Variants in AQP7 observed in about 807,000 individuals in gnomAD.
AQP7 encodes the protein aquaporin 7.
Under a neutral mutation model 26.1 loss-of-function variants are expected in AQP7, and 22 were observed. The observed-to-expected ratio is 0.84, with a 90% CI of 0.60 to 1.20. AQP7 has a LOEUF of 1.20. Among genes scored for constraint, AQP7 ranks in the 50% most tolerant of loss-of-function variants. The pLI, the probability that AQP7 is intolerant of heterozygous loss-of-function variation, is 0.00. For synonymous variants in AQP7, 167 were observed against 181.7 expected, an observed-to-expected ratio of 0.92 and a Z score of 0.65; for missense variants, 412 against 457.5, an observed-to-expected ratio of 0.90 and a Z score of 0.91.
intron 3 of AQP7, among the ~76,000 whole-genome samples, chr9:33,389,576 T>C (rs998554747): frequency 3.3e-5 from 5 of 152,226 alleles, no homozygotes; most frequent in Non-Finnish European, 7.3e-5. Flanking sequence ...TTTACCTTTT[T>C]AATGTGGATA....
chr9:33,399,867 G>A (rs1488469146), intron 2 of AQP7, among the ~76,000 whole-genome samples: 1 of 152,148 alleles, frequency 6.6e-6, no homozygotes, highest in African/African-American at 2.4e-5. Flanking sequence ...AATGGTGGAA[G>A]CTGTGCACAT....
intron 3 of AQP7, chr9:33,394,312 C>T (rs1290703795): frequency 2.0e-5 from 3 of 152,262 alleles, no homozygotes. Context: ...TTAACTGGTT[C>T]CCTCTTGCCA....
rs1396450420 is a variant in AQP7 at position 33,386,153 on chromosome 9, C to A, written c.449G>T (p.Gly150Val). Residue 150 changes from glycine (G) to valine (V), a missense_variant, in exon 6 of 8, where the codon GGT becomes GTT. By Grantham distance (109) the Gly-to-Val change is moderately radical. Transcript: ENST00000297988. ...HFSGGQLMVT[G>V]PVATAGIFAT... ...AAAAATGCCAGCTGTAGCGACGGGA[C>A]CGGTCACCATCAGCTGTCCACCCGA... 6.2e-7 allele frequency: 1 copy of A among 1,614,000 alleles called. No homozygotes were observed. The highest frequency in any genetic ancestry group is 1.1e-5 in the South Asian group (1 of 91,066).
At position 33,386,527 on chromosome 9, in the gene AQP7, C is replaced by T. The variant is rs374393354; in HGVS notation, c.283G>A (p.Ala95Thr). The T allele has an allele frequency of 7.3e-5, 117 of 1,612,040 alleles. No homozygotes were observed. The South Asian group carries it at 1.0e-3, about 14-fold the overall frequency. The change falls in exon 5 of 8, where the codon GCA becomes ACA. Residue 95 changes from alanine to threonine, a missense_variant. Ala to Thr is a moderately conservative substitution (Grantham distance 58). Transcript: ENST00000297988. ...GCACAGTTAGCAAAGGTCACAGCTG[C>T]GTTCATGTGGGCTCCTGCGGGCAGC... is the stretch of plus-strand genomic sequence containing the variant. ...AGRISGAHMN[A>T]AVTFANCALG...
chr9:33,396,711 G>A (rs1222211793), intron 2 of AQP7, among the ~76,000 whole-genome samples: 3 of 146,658 alleles, frequency 2.0e-5, no homozygotes, highest in Admixed American at 6.9e-5. Flanking sequence ...TTCTCTGGGA[G>A]AGCCTCCTAC....
At chr9:33,395,728 G>A (rs549359737) in intron 2 of AQP7, among the ~76,000 whole-genome samples, 3 of 152,340 alleles carry the variant, frequency 2.0e-5, no homozygotes, top group East Asian at 3.9e-4. Flanking sequence ...CAAGCGCCAG[G>A]TTCTGTCAAA....
chr9:33,385,976 C>A, intron 6 of AQP7, 101 bp downstream of exon 6: 1 of 1,570,170 alleles, frequency 6.4e-7, no homozygotes, highest in Non-Finnish European at 8.7e-7. Context: ...GGTACAGTCT[C>A]CATCCAGAGT....
chr9:33,395,316 C>T (rs1825768932), intron 2 of AQP7, 121 bp from the exon 3 acceptor site: 1 of 791,680 alleles, frequency 1.3e-6, no homozygotes, highest in Non-Finnish European at 2.1e-6. Flanking sequence ...CACACGCCTC[C>T]TCTTGCGCAG....
intron 2 of AQP7, among the ~76,000 whole-genome samples, chr9:33,395,664 T>G (rs185315326): frequency 6.6e-6 from 1 of 152,260 alleles, no homozygotes; most frequent in Non-Finnish European, 1.5e-5. Context: ...ACAAACAGCA[T>G]GAGGTGTGAC....
rs1824535332 is a variant in AQP7, at chr9:33,383,973, G to A, written c.*1032C>T. 6.6e-6 allele frequency: 1 copy of A among 152,350 alleles called. No homozygotes were observed. Among genetic ancestry groups the A allele is most frequent in the South Asian group, 2.1e-4 (1 of 4,832 alleles). The allele number at this position is 152,350 out of a possible 1,614,324, so 9.4% of individuals were successfully genotyped here. A position where few individuals can be genotyped will look rare whatever the true frequency, so the allele number is the denominator to read the frequency against. ...CTGCAACCCTCAAAGGCAGAGCCCA[G>A]CGCATCCACTGCGCATCCCCAGTGT... On this transcript the variant is annotated 3_prime_UTR_variant, in exon 8 of 8. Coordinates refer to ENST00000297988, the MANE Select transcript of AQP7 (RefSeq NM_001170.3).
chr9:33,386,494 G>T lies in AQP7; in HGVS notation c.316C>A (p.Arg106Ser), dbSNP rs778763120. ...ACCGGAAACTTCCTCCAGGGCACGC[G>T]GCCCAGCGCACAGTTAGCAAAGGTC... is the stretch of plus-strand genomic sequence containing the variant. The part of the protein sequence containing the change: ...AVTFANCALG[R>S]VPWRKFPVYV... The change falls in exon 5 of 8, where the codon CGC becomes AGC. Residue 106 changes from arginine (R) to serine (S), a missense_variant. Transcript: ENST00000297988. 2 of 1,612,524 alleles carry T rather than the reference G, an allele frequency of 1.2e-6. No homozygotes were observed. The highest frequency in any genetic ancestry group is 1.7e-6 in the Non-Finnish European group (2 of 1,179,324).
chr9:33,396,650 C>T (rs1190162577), intron 2 of AQP7, among the ~76,000 whole-genome samples: 4 of 144,208 alleles, frequency 2.8e-5, no homozygotes, highest in Admixed American at 7.1e-5. Context: ...CCCCTGCCTC[C>T]CCAGAGGCTC....
Position 33,387,062 on chromosome 9 carries a change from C to G in AQP7, c.175G>C (p.Val59Leu), listed in dbSNP as rs4008659. 1.4e-3 allele frequency: 2,264 copies of G among 1,611,758 alleles called. 18 individuals carry two copies. The East Asian group carries it at 0.021, about 15-fold the overall frequency. The change falls in exon 4 of 8, where the codon GTT becomes CTT. Residue 59 changes from valine (V) to leucine (L), a missense_variant. Val to Leu is a conservative substitution (Grantham distance 32). Transcript: ENST00000297988. Reference sequence around the variant, plus strand: ...TAGCTCCCATATTTTTTATTTAGAACCATATGGGCCACGGAACCAAGGCCG... The same window carrying G: ...TAGCTCCCATATTTTTTATTTAGAAGCATATGGGCCACGGAACCAAGGCCG... ...VFGLGSVAHM[V>L]LNKKYGSYLG...
intron 3 of AQP7, among the ~76,000 whole-genome samples, chr9:33,392,717 C>T (rs1825520818): frequency 6.6e-6 from 1 of 152,100 alleles, no homozygotes. Flanking sequence ...GGACAGGATC[C>T]AACTGCTGTC....
At chr9:33,390,403 G>T (rs1193073260) in intron 3 of AQP7, among the ~76,000 whole-genome samples, 1 of 152,004 alleles carries the variant, frequency 6.6e-6, no homozygotes, top group Non-Finnish European at 1.5e-5. Flanking sequence ...AGGGACAAGA[G>T]GGTGAGCTGA....
intron 3 of AQP7, among the ~76,000 whole-genome samples, chr9:33,387,914 C>T (rs1277784257): frequency 6.6e-6 from 1 of 152,172 alleles, no homozygotes; most frequent in African/African-American, 2.4e-5. Context: ...TTCCTGGTTG[C>T]CTCCTCCCTG....
At chr9:33,401,675 G>A in intron 1 of AQP7, 12 of 272,450 alleles carry the variant, frequency 4.4e-5, no homozygotes, top group South Asian at 1.8e-4. Flanking sequence ...TCCAGGACCT[G>A]CACACACACA....
intron 2 of AQP7, among the ~76,000 whole-genome samples, chr9:33,400,147 G>A (rs1826154065): frequency 6.6e-6 from 1 of 152,152 alleles, no homozygotes; most frequent in Non-Finnish European, 1.5e-5. Context: ...TCAACAGAGT[G>A]GCACTATTCA....
rs538923905 is a variant in AQP7, at chr9:33,387,074, C to T, written c.163G>A (p.Val55Met). ...YVMMVFGLGS[V>M]AHMVLNKKYG... ...TTTTTATTTAGAACCATATGGGCCA[C>T]GGAACCAAGGCCGAATACCTACAAG... The change falls in exon 4 of 8, where the codon GTG (valine) becomes ATG (methionine). Residue 55 changes from valine (V) to methionine (M), a missense_variant. Coordinates refer to ENST00000297988, the MANE Select transcript of AQP7 (RefSeq NM_001170.3). The T allele has an allele frequency of 5.7e-5, 92 of 1,611,912 alleles. No individual in the cohort carries two copies. Among genetic ancestry groups the T allele is most frequent in the East Asian group, 2.7e-4 (12 of 44,872 alleles).
Sources: gnomAD v4.1 joint callset for allele counts (sites outside exome capture counted in the v4.1 genomes callset) on GRCh38, gnomAD v4.1.1 for gene constraint, MANE v1.5 for transcripts, NCBI Gene and HGNC (gene_info 2026-07-23, HGNC 2026-07-21) for gene names.